The following TNXB variants were observed in gnomAD, a reference collection of about 807,000 sequenced individuals.
The protein encoded by TNXB is tenascin XB.
A neutral mutation model predicts 340.5 loss-of-function variants in TNXB; 183 were observed. The ratio of observed to expected loss-of-function variants is 0.54; its 90% CI spans 0.48 to 0.61. TNXB has a LOEUF of 0.61. Ranked by LOEUF, TNXB falls within the 20% of genes least tolerant of loss-of-function variation. TNXB has a pLI of 0.00. For synonymous variants in TNXB, 2,121 were observed against 2,314.5 expected (o/e 0.92, Z 2.40); for missense variants, 4,613 against 5,446.4 (o/e 0.85, Z 4.82).
rs775763208 is a variant in TNXB, at chr6:32,053,431, G to T, written c.8748C>A (p.His2916Gln). ...AGATGGGGCCCACGCGCTGGCCACCGTGGAAGCCGTACAGGTTCATCTTGT... is the reference window on the plus strand; with the variant it reads ...AGATGGGGCCCACGCGCTGGCCACCTTGGAAGCCGTACAGGTTCATCTTGT... ...HKYKMNLYGF[H>Q]GGQRVGPISV... is the part of the protein sequence containing the mutation. The change falls in exon 25 of 44, where the codon CAC becomes CAA. Residue 2916 changes from histidine (H) to glutamine (Q), a missense_variant. Coordinates refer to ENST00000644971, the MANE Select transcript of TNXB (RefSeq NM_001365276.2). 12 of 1,612,896 alleles carry T rather than the reference G, an allele frequency of 7.4e-6. No individual in the cohort carries two copies. The highest frequency in any genetic ancestry group is 1.7e-5 in the Admixed American group (1 of 60,008).
In TNXB at chr6:32,098,033, A is replaced by G. The variant is rs1332242390; in HGVS notation, c.166T>C (p.Ser56Pro). 3 of 1,607,040 alleles carry G rather than the reference A, an allele frequency of 1.9e-6. No homozygotes were observed. In the African/African-American group the frequency reaches 4.0e-5, roughly 21 times the overall value. ...HTVGAGVGSP[S>P]SQLYEHTVEG... ...ACTGTGTGCTCGTAAAGCTGAGAAGAGGGGCTTCCCACTCCAGCCCCCACT... is the reference window on the plus strand; with the variant it reads ...ACTGTGTGCTCGTAAAGCTGAGAAGGGGGGCTTCCCACTCCAGCCCCCACT... The change falls in exon 2 of 44, where the codon TCT becomes CCT. Residue 56 changes from serine (S) to proline (P), a missense_variant. Ser to Pro is a moderately conservative substitution (Grantham distance 74). Coordinates refer to ENST00000644971, the MANE Select transcript of TNXB (RefSeq NM_001365276.2).
In TNXB at chr6:32,095,618, G is replaced by C; in HGVS notation, c.2235C>G (p.Cys745Trp). The C allele has an allele frequency of 1.2e-6, 2 of 1,611,400 alleles. No homozygotes were observed. The highest frequency in any genetic ancestry group is 1.7e-6 in the Non-Finnish European group (2 of 1,177,956). ...GGAAGGCTGCCTGCTCACCTTCTCC[G>C]CAGTCTTCGCCAGCATACCCATCTT... ...VCKDGYAGED[C>W]GEEVPTIEGM... is the part of the protein sequence containing the mutation. The change falls in exon 3 of 44, where the codon TGC (cysteine) becomes TGG (tryptophan). Residue 745 changes from cysteine (C) to tryptophan (W), a missense_variant. By Grantham distance (215) the Cys-to-Trp change is radical. Transcript: ENST00000644971.
chr6:32,063,982 T>C (rs1289316136), intron 19 of TNXB, among the ~76,000 whole-genome samples: 1 of 152,192 alleles, frequency 6.6e-6, no homozygotes, highest in African/African-American at 2.4e-5. Flanking sequence ...TTTGGGAGCT[T>C]AGAGAACACA....
intron 1 of TNXB, among the ~76,000 whole-genome samples, chr6:32,105,321 A>T (rs555949547): frequency 1.6e-4 from 25 of 152,354 alleles, no homozygotes; most frequent in Non-Finnish European, 3.4e-4. Flanking sequence ...GTGATATCAC[A>T]GCATCATGCC....
Position 32,056,180 on chromosome 6 carries a change from A to G in TNXB, c.8144-6T>C. 6.2e-7 allele frequency: 1 copy of G among 1,610,146 alleles called. No individual in the cohort carries two copies. Among genetic ancestry groups the G allele is most frequent in the Non-Finnish European group, 8.5e-7 (1 of 1,178,170 alleles). On this transcript the variant is annotated splice_region_variant and splice_polypyrimidine_tract_variant and intron_variant, in intron 23 of 43. Transcript: ENST00000644971. ...GGGGGTCTCTTCCTCTGCAGCTGAG[A>G]AAAGGAGATATAGAGAGGATGCCAG...
chr6:32,049,171 A>T lies in TNXB; in HGVS notation c.9757+99T>A. The T allele has an allele frequency of 7.0e-7, 1 of 1,429,944 alleles. No homozygotes were observed. Among genetic ancestry groups the T allele is most frequent in the South Asian group, 1.4e-5 (1 of 69,152 alleles). 88.6% of individuals were successfully genotyped at this position (1,429,944 alleles called of 1,614,324 possible). On this transcript the variant is annotated intron_variant, in intron 28 of 43. Transcript: ENST00000644971. This position sits in a 1 kb window ranked among gnomAD's most constrained non-coding sequence, Gnocchi z 4.5. ...TAGCAACATGGGAGAAAAGACAGAA[A>T]CCTAGAGGCCCAGTCAAAAGAGGTG...
In TNXB at chr6:32,081,579, C is replaced by G; in HGVS notation, c.3831G>C (p.Leu1277Phe). 6.2e-7 allele frequency: 1 copy of G among 1,603,488 alleles called. No homozygotes were observed. Among genetic ancestry groups the G allele is most frequent in the Non-Finnish European group, 8.5e-7 (1 of 1,175,528 alleles). The change falls in exon 10 of 44, where the codon TTG becomes TTC. Residue 1277 changes from leucine to phenylalanine, a missense_variant. Coordinates refer to ENST00000644971, the MANE Select transcript of TNXB (RefSeq NM_001365276.2). This position sits in a 1 kb window ranked among gnomAD's most constrained non-coding sequence, Gnocchi z 5.1. Reference protein sequence around the residue: ...LTVTGVTPDSLRLSWTVAQGP... With the variant: ...LTVTGVTPDSFRLSWTVAQGP... ...CCTGGGCCACTGTCCATGAGAGACG[C>G]AAGGAGTCTGGGGTCACGCCGGTCA... is the stretch of plus-strand genomic sequence containing the variant.
chr6:32,048,672 C>A (rs778362444), intron 28 of TNXB, 22 bp from the exon 29 acceptor site: 20 of 1,432,178 alleles, frequency 1.4e-5, no homozygotes, highest in Non-Finnish European at 1.8e-5. Flanking sequence ...AGAGCAGGCC[C>A]ATGGGTCAGG....
At chr6:32,053,090 T>A in intron 25 of TNXB, 97 bp from the exon 26 acceptor site, 1 of 1,346,520 alleles carries the variant, frequency 7.4e-7, no homozygotes, top group Non-Finnish European at 1.0e-6. Flanking sequence ...TGAGTGGGGG[T>A]CCTGGGGTCA....
chr6:32,078,136 AGAG>A (rs1779212160), intron 11 of TNXB, among the ~76,000 whole-genome samples: 1 of 151,008 alleles, frequency 6.6e-6, no homozygotes, highest in Non-Finnish European at 1.5e-5. Context: ...AGAAAGAAAA[AGAG>A]AGAAAGAAGA....
At chr6:32,093,997 G>A (rs143402095) in intron 4 of TNXB, among the ~76,000 whole-genome samples, 52 of 149,636 alleles carry the variant, frequency 3.5e-4, no homozygotes, top group African/African-American at 9.6e-4. Flanking sequence ...GGGAGGCTGA[G>A]GTAAGAGGAT....
chr6:32,049,388 C>A lies in TNXB; in HGVS notation c.9639G>T (p.Arg3213Ser), dbSNP rs1168959509. Reference sequence around the variant, plus strand: ...CCACGGTGACCTCGCTCTCCTCGCCCCTGACACGCACCACCTGGGGCTGCC... The same window carrying A: ...CCACGGTGACCTCGCTCTCCTCGCCACTGACACGCACCACCTGGGGCTGCC... ...RDGQPQVVRVRGEESEVTVGG... is the reference protein window; with the variant it reads ...RDGQPQVVRVSGEESEVTVGG... Residue 3213 changes from arginine (R) to serine (S), a missense_variant, in exon 28 of 44, where the codon AGG (arginine) becomes AGT (serine). Around this residue, in one of 7 missense-constraint regions of TNXB, gnomAD observed 4,327 missense variants for 4,859.4 expected, o/e 0.89. Transcript: ENST00000644971. The surrounding 1 kb of genome is among the most constrained non-coding windows in gnomAD (Gnocchi z 4.5). The A allele has an allele frequency of 6.2e-7, 1 of 1,612,488 alleles. No homozygotes were observed. Among genetic ancestry groups the A allele is most frequent in the African/African-American group, 1.3e-5 (1 of 74,874 alleles).
At position 32,058,064 on chromosome 6, in the gene TNXB, C is replaced by T. The variant is rs757463918; in HGVS notation, c.7819G>A (p.Val2607Ile). 2.2e-5 allele frequency: 36 copies of T among 1,607,178 alleles called. No homozygotes were observed. Among genetic ancestry groups the T allele is most frequent in the Admixed American group, 6.7e-5 (4 of 59,380 alleles). Residue 2607 changes from valine to isoleucine, a missense_variant, in exon 22 of 44, where the codon GTC (valine) becomes ATC (isoleucine). Coordinates refer to ENST00000644971, the MANE Select transcript of TNXB (RefSeq NM_001365276.2). This position sits in a 1 kb window ranked among gnomAD's most constrained non-coding sequence, Gnocchi z 5.1. The stretch of plus-strand genomic sequence containing the variant: ...CCCACCCACACTCACTCACCTGTGA[C>T]GCCCACGGCAGACACCGGGCCCAGG... ...RRLGPVSAVGVTEDEAETTQA... is the reference protein window; with the variant it reads ...RRLGPVSAVGITEDEAETTQA...
rs1032893435 is a variant in TNXB, at chr6:32,048,402, C to T, written c.10006G>A (p.Gly3336Arg). ...YKFLLFGLQN[G>R]KRHGPVPVEA... is the part of the protein sequence containing the mutation. Reference sequence around the variant, plus strand: ...ACAGGGACTGGGCCGTGGCGTTTCCCATTCTGGAGTCCAAAGAGCAGGAAC... The same window carrying T: ...ACAGGGACTGGGCCGTGGCGTTTCCTATTCTGGAGTCCAAAGAGCAGGAAC... The change falls in exon 29 of 44, where the codon GGG becomes AGG. Residue 3336 changes from glycine to arginine, a missense_variant. Gly to Arg is a moderately radical substitution (Grantham distance 125). Around this residue, in one of 7 missense-constraint regions of TNXB, gnomAD observed 4,327 missense variants for 4,859.4 expected, o/e 0.89. Coordinates refer to ENST00000644971, the MANE Select transcript of TNXB (RefSeq NM_001365276.2). 8 of 1,532,782 alleles carry T rather than the reference C, an allele frequency of 5.2e-6. No homozygotes were observed. Among genetic ancestry groups the T allele is most frequent in the East Asian group, 4.6e-5 (2 of 43,734 alleles). The allele number at this position is 1,532,782 out of a possible 1,614,324, so 94.9% of individuals were successfully genotyped here.
intron 1 of TNXB, among the ~76,000 whole-genome samples, chr6:32,103,641 C>T (rs573683460): frequency 9.9e-5 from 15 of 151,998 alleles, no homozygotes; most frequent in African/African-American, 2.4e-4. Context: ...CCAATGACTT[C>T]GGTGCCACAA....
rs557347925 is a variant in TNXB, at chr6:32,073,110, G to A, written c.4681+537C>T. On this transcript the variant is annotated intron_variant, in intron 12 of 43. Coordinates refer to ENST00000644971, the MANE Select transcript of TNXB (RefSeq NM_001365276.2). The surrounding 1 kb of genome is among the most constrained non-coding windows in gnomAD (Gnocchi z 4.6). Reference sequence around the variant, plus strand: ...AACAATCATGGAGAACCTGTGCCCAGGAAGCCATGAGGGGCAGGAAGGAGC... The same window carrying A: ...AACAATCATGGAGAACCTGTGCCCAAGAAGCCATGAGGGGCAGGAAGGAGC... Among the ~76,000 whole-genome samples the A allele has an allele frequency of 2.0e-5, 3 of 152,296 alleles. No homozygotes were observed. In the East Asian group the frequency reaches 5.8e-4, roughly 29 times the overall value.
At position 32,095,777 on chromosome 6, in the gene TNXB, G is replaced by A. The variant is rs1340605654; in HGVS notation, c.2076C>T (p.Cys692=). Residue 692 remains cysteine (C), a synonymous_variant, in exon 3 of 44, where the codon TGC becomes TGT. Coordinates refer to ENST00000644971, the MANE Select transcript of TNXB (RefSeq NM_001365276.2). ...EPPASACPGG[C]GPRELCRAGQ... ...CTGCCCGGCACAGTTCCCGGGGCCC[G>A]CAGCCTCCAGGGCAGGCGCTGGCTG... is the stretch of plus-strand genomic sequence containing the variant. 10 of 1,613,278 alleles carry A rather than the reference G, an allele frequency of 6.2e-6. No homozygotes were observed. Among genetic ancestry groups the A allele is most frequent in the East Asian group, 2.2e-5 (1 of 44,866 alleles).
chr6:32,062,434 G>T lies in TNXB; in HGVS notation c.6891C>A (p.Thr2297=). The T allele has an allele frequency of 1.2e-6, 2 of 1,612,216 alleles. No individual in the cohort carries two copies. Among genetic ancestry groups the T allele is most frequent in the Non-Finnish European group, 1.7e-6 (2 of 1,179,216 alleles). ...EMAPASTEPP[T]PEPPIKPRLE... ...GGCGAGGCTTGATGGGGGGTTCAGG[G>T]GTGGGAGGTTCTGTCGAGGCTGGGG... Residue 2297 remains threonine (T), a synonymous_variant, in exon 20 of 44, where the codon ACC becomes ACA. Transcript: ENST00000644971. The surrounding 1 kb of genome is among the most constrained non-coding windows in gnomAD (Gnocchi z 4.3).
chr6:32,045,894 A>G (rs1776833147), intron 31 of TNXB: 1 of 1,198,466 alleles, frequency 8.3e-7, no homozygotes, highest in Non-Finnish European at 1.0e-6. Flanking sequence ...CAGCAGCCCC[A>G]GCGAGTAATG....
Sources: gnomAD v4.1 joint callset for allele counts (sites outside exome capture counted in the v4.1 genomes callset) on GRCh38, gnomAD v4.1.1 for gene constraint, gnomAD v4.1.1 regional missense constraint, Gnocchi (gnomAD v3.1) non-coding constraint, MANE v1.5 for transcripts, NCBI Gene and HGNC (gene_info 2026-07-23, HGNC 2026-07-21) for gene names.